Variants in EYS observed in about 807,000 individuals in gnomAD.
EYS encodes the protein EGF-like photoreceptor maintenance factor, also known as protein eyes shut homolog.
Under a neutral mutation model 282.1 loss-of-function variants are expected in EYS, and 250 were observed. The ratio of observed to expected loss-of-function variants is 0.89; its 90% CI spans 0.80 to 0.98. EYS has a LOEUF of 0.98. Among genes scored for constraint, EYS ranks in the 50% least tolerant of loss-of-function variants. EYS has a pLI of 0.00. For missense variants in EYS, 4,016 were observed against 3,709.0 expected, an observed-to-expected ratio of 1.08 and a Z score of -2.15; for synonymous variants, 1,355 against 1,282.9, an observed-to-expected ratio of 1.06 and a Z score of -1.20.
rs1259509808 is a variant in EYS, at chr6:65,295,843, T to C, written c.2023+20A>G. The stretch of plus-strand genomic sequence containing the variant: ...ATTATTTACTAGAAAATTTAATTTA[T>C]CAGGAAAAAAAAAACTTGCCTTTAA... On this transcript the variant is annotated intron_variant, in intron 12 of 42. Transcript: ENST00000503581. 6.9e-7 allele frequency: 1 copy of C among 1,454,210 alleles called. No homozygotes were observed. The highest frequency in any genetic ancestry group is 1.5e-5 in the African/African-American group (1 of 67,126). The allele number at this position is 1,454,210 out of a possible 1,614,324, so 90.1% of individuals were successfully genotyped here.
chr6:65,417,198 A>G (rs1767273265), intron 5 of EYS, among the ~76,000 whole-genome samples: 1 of 152,030 alleles, frequency 6.6e-6, no homozygotes, highest in Admixed American at 6.6e-5. Flanking sequence ...AAACATGTAC[A>G]AAAATTCACA....
chr6:64,409,822 T>G (rs1327057340), intron 28 of EYS, among the ~76,000 whole-genome samples: 1 of 152,126 alleles, frequency 6.6e-6, no homozygotes, highest in East Asian at 1.9e-4. Flanking sequence ...TCAAGTACAT[T>G]TATGCACATT....
At chr6:64,899,738 A>C (rs1767592179) in intron 18 of EYS, among the ~76,000 whole-genome samples, 1 of 152,156 alleles carries the variant, frequency 6.6e-6, no homozygotes, top group African/African-American at 2.4e-5. Context: ...AAGGACACAA[A>C]AAAATGAAAA....
chr6:65,594,924 C>G (rs966319850), intron 2 of EYS, among the ~76,000 whole-genome samples: 5 of 152,046 alleles, frequency 3.3e-5, no homozygotes, highest in African/African-American at 1.2e-4. Context: ...ATAGGGAATC[C>G]TTTCCCCATT....
intron 12 of EYS, among the ~76,000 whole-genome samples, chr6:65,242,001 T>C (rs1767068758): frequency 6.6e-6 from 1 of 152,128 alleles, no homozygotes; most frequent in Non-Finnish European, 1.5e-5. Context: ...GAAAATATTG[T>C]GCAAATTCCA....
chr6:65,332,225 C>A, intron 11 of EYS: 3 of 575,284 alleles, frequency 5.2e-6, no homozygotes, highest in Non-Finnish European at 9.5e-6. Flanking sequence ...TTCTGTAATA[C>A]AATTTTTTTC....
intron 35 of EYS, among the ~76,000 whole-genome samples, chr6:63,919,592 C>A (rs1250918780): frequency 2.0e-5 from 3 of 152,148 alleles, no homozygotes; most frequent in African/African-American, 7.2e-5. Context: ...TTTAATCTCC[C>A]AGGCCAGCTC....
intron 30 of EYS, among the ~76,000 whole-genome samples, chr6:64,244,876 G>C (rs1766958731): frequency 6.6e-6 from 1 of 151,878 alleles, no homozygotes; most frequent in Non-Finnish European, 1.5e-5. Flanking sequence ...TGTGCACAAC[G>C]TGCAGGTTTA....
Position 64,211,714 on chromosome 6 carries a change from TTA to T in EYS, c.6424+18876_6424+18877del, listed in dbSNP as rs1367284802. Among the ~76,000 whole-genome samples the T allele has an allele frequency of 5.4e-5, 8 of 149,174 alleles. No homozygotes were observed. The East Asian group carries it at 7.8e-4, about 15-fold the overall frequency. On this transcript the variant is annotated intron_variant, in intron 31 of 42. Coordinates refer to ENST00000503581, the MANE Select transcript of EYS (RefSeq NM_001142800.2). ...ATGAATTAATAGATTAATATTTAAATTATATATGTTTATATATATAAAATGTA... is the reference window on the plus strand; with the variant it reads ...ATGAATTAATAGATTAATATTTAAATTATATGTTTATATATATAAAATGTA...
chr6:65,353,060 TTTTTTTTC>T (rs1314482670), intron 9 of EYS, among the ~76,000 whole-genome samples: 3 of 151,762 alleles, frequency 2.0e-5, no homozygotes, highest in Non-Finnish European at 4.4e-5. Context: ...ATTGCCCAGT[TTTTTTTTC>T]TTTTTTTCTA....
At chr6:63,847,814 C>A (rs1772138588) in intron 36 of EYS, among the ~76,000 whole-genome samples, 1 of 151,932 alleles carries the variant, frequency 6.6e-6, no homozygotes, top group East Asian at 1.9e-4. Context: ...TTGTACATAC[C>A]CAATTTTATG....
chr6:65,009,823 C>T (rs191961809), intron 13 of EYS, among the ~76,000 whole-genome samples: 2 of 152,316 alleles, frequency 1.3e-5, no homozygotes, highest in East Asian at 1.9e-4. Context: ...CTAAAATCAT[C>T]CAAAGGCACC....
At chr6:65,690,359 C>A (rs1400739297) in intron 1 of EYS, among the ~76,000 whole-genome samples, 2 of 149,752 alleles carry the variant, frequency 1.3e-5, no homozygotes, top group South Asian at 4.3e-4. Flanking sequence ...AAGATGAGGG[C>A]GTTTATAGCC....
chr6:64,154,982 C>A lies in EYS; in HGVS notation c.6425-72980G>T, dbSNP rs1009699664. Among the ~76,000 whole-genome samples, 4 of 152,280 alleles carry A rather than the reference C, an allele frequency of 2.6e-5. No homozygotes were observed. In the East Asian group the frequency reaches 7.7e-4, roughly 29 times the overall value. ...AGGTCCTGAGGGATTGTAAAACTAG[C>A]AAGCATATTTCCATAGTAGGAAATG... On this transcript the variant is annotated intron_variant, in intron 31 of 42. Coordinates refer to ENST00000503581, the MANE Select transcript of EYS (RefSeq NM_001142800.2).
Position 65,353,543 on chromosome 6 carries a change from G to C in EYS, c.1374C>G (p.Leu458=). Reference sequence around the variant, plus strand: ...CATGGAAGGTGACTCCACAGTAGCAGAGGTGTTGATGAATTAGGTAAACAT... The same window carrying C: ...CATGGAAGGTGACTCCACAGTAGCACAGGTGTTGATGAATTAGGTAAACAT... ...LKNVYLIHQH[L]CYCGVTFHGI... The change falls in exon 9 of 43, where the codon CTC becomes CTG. Residue 458 remains leucine (L), a synonymous_variant. Coordinates refer to ENST00000503581, the MANE Select transcript of EYS (RefSeq NM_001142800.2). 6.2e-7 allele frequency: 1 copy of C among 1,613,132 alleles called. No individual in the cohort carries two copies. Among genetic ancestry groups the C allele is most frequent in the Non-Finnish European group, 8.5e-7 (1 of 1,179,408 alleles).
intron 12 of EYS, among the ~76,000 whole-genome samples, chr6:65,160,638 T>C (rs375929178): frequency 6.6e-6 from 1 of 150,922 alleles, no homozygotes; most frequent in Non-Finnish European, 1.5e-5. Context: ...TATTTCAATA[T>C]TTTCCAAGCT....
At chr6:64,172,187 A>G (rs1245231473) in intron 31 of EYS, among the ~76,000 whole-genome samples, 1 of 152,084 alleles carries the variant, frequency 6.6e-6, no homozygotes, top group African/African-American at 2.4e-5. Context: ...CAATTAAAGT[A>G]TTGTACCTTA....
chr6:65,330,715 C>A (rs1203079196), intron 11 of EYS: 1 of 950,678 alleles, frequency 1.1e-6, no homozygotes, highest in Non-Finnish European at 1.3e-6. Context: ...CATTATTTTG[C>A]CTTATAAATT....
At chr6:64,237,336 T>G (rs1387022337) in intron 30 of EYS, among the ~76,000 whole-genome samples, 1 of 152,144 alleles carries the variant, frequency 6.6e-6, no homozygotes, top group Non-Finnish European at 1.5e-5. Context: ...TAATGTATAG[T>G]AAAGGCTGTG....
Sources: allele counts gnomAD v4.1 joint callset (sites outside exome capture counted in the v4.1 genomes callset), GRCh38; gene constraint gnomAD v4.1.1; transcripts MANE v1.5; gene names NCBI Gene and HGNC (gene_info 2026-07-23, HGNC 2026-07-21).